Variants in MTHFS observed in about 807,000 individuals in gnomAD.
MTHFS encodes the protein methenyltetrahydrofolate synthetase.
MTHFS carries 7 observed loss-of-function variants against 12.7 expected under a neutral mutation model. The observed-to-expected ratio is 0.55, with a 90% confidence interval of 0.31 to 1.03. The LOEUF (loss-of-function observed/expected upper bound fraction) is 1.03, where lower values mean the gene tolerates loss of function less well. Ranked by LOEUF, MTHFS falls within the 50% of genes least tolerant of loss-of-function variation. MTHFS has a pLI of 0.05. For synonymous variants in MTHFS, 100 were observed against 97.1 expected, an observed-to-expected ratio of 1.03 and a Z score of -0.18; for missense variants, 252 against 258.1, an observed-to-expected ratio of 0.98 and a Z score of 0.16.
At chr15:79,860,155 C>T (rs187897848) in intron 2 of MTHFS, among the ~76,000 whole-genome samples, 16 of 152,110 alleles carry the variant, frequency 1.1e-4, no homozygotes, top group Non-Finnish European at 1.9e-4. Flanking sequence ...TTTGGGAGGC[C>T]GAGGTGGGCA....
intron 2 of MTHFS, among the ~76,000 whole-genome samples, chr15:79,872,121 A>AG (rs1456406042): frequency 6.6e-6 from 1 of 151,672 alleles, no homozygotes; most frequent in Non-Finnish European, 1.5e-5. Context: ...AAAAAAAAAA[A>AG]AAAAAAATTT....
intron 2 of MTHFS, among the ~76,000 whole-genome samples, chr15:79,874,474 A>C (rs926131813): frequency 1.3e-5 from 2 of 152,148 alleles, no homozygotes; most frequent in African/African-American, 4.8e-5. Flanking sequence ...GTCACTAATT[A>C]ATTTGTCTGG....
intron 2 of MTHFS, among the ~76,000 whole-genome samples, chr15:79,878,376 T>C (rs771003598): frequency 1.3e-5 from 2 of 151,530 alleles, no homozygotes; most frequent in African/African-American, 4.9e-5. Flanking sequence ...ATGGGCTAAC[T>C]TGAGTCAAGC....
chr15:79,856,610 GA>G (rs915987428), intron 2 of MTHFS, among the ~76,000 whole-genome samples: 12 of 152,268 alleles, frequency 7.9e-5, no homozygotes, highest in African/African-American at 2.9e-4. Flanking sequence ...AGAGGCTGAA[GA>G]AAGGGGGGAA....
intron 2 of MTHFS, among the ~76,000 whole-genome samples, chr15:79,849,323 A>G (rs2033671749): frequency 6.6e-6 from 1 of 152,004 alleles, no homozygotes; most frequent in Non-Finnish European, 1.5e-5. Context: ...TCTTTGCTTG[A>G]CTTTATTTGT....
chr15:79,879,366 C>G (rs980472699), intron 2 of MTHFS, among the ~76,000 whole-genome samples: 1 of 132,072 alleles, frequency 7.6e-6, no homozygotes, highest in Admixed American at 8.3e-5. Flanking sequence ...CTCACTCTGT[C>G]CCCCAGGCTG....
intron 2 of MTHFS, chr15:79,876,205 G>A (rs2034191722): frequency 6.6e-6 from 1 of 152,052 alleles, no homozygotes; most frequent in Non-Finnish European, 1.5e-5. Flanking sequence ...ATCAAGGTGG[G>A]GGAAATCAGT....
Position 79,896,878 on chromosome 15 carries a change from G to A in MTHFS, c.111C>T (p.Ser37=), listed in dbSNP as rs746022585. 1.3e-6 allele frequency: 2 copies of A among 1,542,836 alleles called. No homozygotes were observed. Among genetic ancestry groups the A allele is most frequent in the Non-Finnish European group, 1.7e-6 (2 of 1,146,360 alleles). ...EERLRQSRVL[S]QKVIAHSEYQ... ...GCTACGGGCGGCCTCGCACCTTCTG[G>A]CTCAGTACGCGGGACTGGCGTAGCC... Residue 37 remains serine, a synonymous_variant, in exon 1 of 3, where the codon AGC becomes AGT. Coordinates refer to ENST00000258874, the MANE Select transcript of MTHFS (RefSeq NM_006441.4).
At chr15:79,896,396 T>C (rs901872229) in intron 1 of MTHFS, among the ~76,000 whole-genome samples, 3 of 152,200 alleles carry the variant, frequency 2.0e-5, no homozygotes, top group African/African-American at 7.2e-5. Context: ...CACCTGCATC[T>C]TTCTCTGGCC....
At chr15:79,864,895 G>A (rs1339912654) in intron 2 of MTHFS, among the ~76,000 whole-genome samples, 2 of 152,208 alleles carry the variant, frequency 1.3e-5, no homozygotes, top group African/African-American at 4.8e-5. Context: ...AGATGGAATA[G>A]AGAATATTTT....
chr15:79,862,826 G>C (rs6495447), intron 2 of MTHFS, among the ~76,000 whole-genome samples: 3,546 of 152,218 alleles, frequency 0.023, 152 homozygotes, highest in African/African-American at 0.08. Context: ...AAGGCAAATT[G>C]ATCTTGGTCC....
chr15:79,892,700 C>T (rs888988111), intron 1 of MTHFS, among the ~76,000 whole-genome samples: 1 of 152,154 alleles, frequency 6.6e-6, no homozygotes, highest in African/African-American at 2.4e-5. Context: ...CACCTGTAAT[C>T]CCGGCACTTT....
At chr15:79,890,920 C>T (rs2034462239) in intron 1 of MTHFS, among the ~76,000 whole-genome samples, 1 of 152,168 alleles carries the variant, frequency 6.6e-6, no homozygotes, top group Admixed American at 6.5e-5. Flanking sequence ...ATCCTTTTTG[C>T]TCTCTTTACA....
intron 1 of MTHFS, among the ~76,000 whole-genome samples, chr15:79,893,389 G>C (rs1175038161): frequency 6.7e-6 from 1 of 149,212 alleles, no homozygotes; most frequent in Non-Finnish European, 1.5e-5. Context: ...GCAACAAAGC[G>C]ATACTTTGTC....
intron 2 of MTHFS, among the ~76,000 whole-genome samples, chr15:79,865,336 G>A (rs2141354303): frequency 6.6e-6 from 1 of 152,278 alleles, no homozygotes; most frequent in Middle Eastern, 3.4e-3. Flanking sequence ...TGGGAAAAAT[G>A]TCTATTATGA....
chr15:79,852,433 G>A (rs182772349), intron 2 of MTHFS, among the ~76,000 whole-genome samples: 682 of 152,276 alleles, frequency 4.5e-3, no homozygotes, highest in Middle Eastern at 6.8e-3. Context: ...GGAGTTAACT[G>A]AGCCACCTAT....
intron 2 of MTHFS, among the ~76,000 whole-genome samples, chr15:79,873,152 G>A (rs2034135532): frequency 6.6e-6 from 1 of 152,116 alleles, no homozygotes; most frequent in South Asian, 2.1e-4. Context: ...ATCCCATTGT[G>A]ACGCCTCCTG....
At chr15:79,892,329 G>A (rs1051614510) in intron 1 of MTHFS, among the ~76,000 whole-genome samples, 11 of 152,240 alleles carry the variant, frequency 7.2e-5, no homozygotes, top group South Asian at 4.1e-4. Flanking sequence ...CAAGGGGCTG[G>A]AGTGTTTTCA....
chr15:79,856,759 G>A (rs899346738), intron 2 of MTHFS, among the ~76,000 whole-genome samples: 1 of 151,980 alleles, frequency 6.6e-6, no homozygotes, highest in Admixed American at 6.6e-5. Flanking sequence ...ATTTTGTTAT[G>A]TGTTTCCTTA....
Sources: gnomAD v4.1 joint callset for allele counts (sites outside exome capture counted in the v4.1 genomes callset) on GRCh38, gnomAD v4.1.1 for gene constraint, MANE v1.5 for transcripts, NCBI Gene and HGNC (gene_info 2026-07-23, HGNC 2026-07-21) for gene names.